MYO1E: variants seen among roughly 807,000 people sequenced by gnomAD.
The protein encoded by MYO1E is myosin IE.
Under a neutral mutation model 151.1 loss-of-function variants are expected in MYO1E, and 68 were observed. That is an observed-to-expected ratio of 0.45 (90% CI 0.37 to 0.55). MYO1E has a LOEUF of 0.55. Ranked by LOEUF, MYO1E falls within the 20% of genes least tolerant of loss-of-function variation. MYO1E has a pLI of 0.00. For synonymous variants in MYO1E, 601 were observed against 501.7 expected (o/e 1.20, Z -2.64); for missense variants, 1,363 against 1,389.3 (o/e 0.98, Z 0.30).
At chr15:59,182,926 T>C (rs1326873998) in intron 18 of MYO1E, among the ~76,000 whole-genome samples, 8 of 152,192 alleles carry the variant, frequency 5.3e-5, no homozygotes, top group Admixed American at 5.2e-4. Context: ...CCACCTCAGG[T>C]CATCAGGCAT....
chr15:59,231,884 C>T (rs2080030639), intron 5 of MYO1E, 93 bp from the exon 6 acceptor site: 1 of 1,387,426 alleles, frequency 7.2e-7, no homozygotes, highest in Admixed American at 1.8e-5. Flanking sequence ...TTTCTGAATG[C>T]ATTAAGGTGA....
At chr15:59,272,102 A>C (rs992867382) in intron 2 of MYO1E, 10 of 571,170 alleles carry the variant, frequency 1.8e-5, no homozygotes, top group Admixed American at 3.0e-5. Flanking sequence ...CCAGGAATAA[A>C]GCCACAAGTT....
intron 18 of MYO1E, among the ~76,000 whole-genome samples, chr15:59,179,482 C>T (rs1389623196): frequency 3.3e-5 from 5 of 152,146 alleles, no homozygotes; most frequent in Admixed American, 2.6e-4. Context: ...TCATAATGAA[C>T]ATTCCTGGCT....
chr15:59,154,076 G>A (rs149143143), intron 25 of MYO1E, among the ~76,000 whole-genome samples: 19 of 152,308 alleles, frequency 1.2e-4, no homozygotes, highest in East Asian at 7.7e-4. Context: ...GGATGTGCCC[G>A]GAACACAGCG....
Position 59,197,258 on chromosome 15 carries a change from G to A in MYO1E, c.1699-1691C>T, listed in dbSNP as rs184550633. Among the ~76,000 whole-genome samples, 31 of 152,286 alleles carry A rather than the reference G, an allele frequency of 2.0e-4. No individual in the cohort carries two copies. In the East Asian group the frequency reaches 5.8e-3, roughly 28 times the overall value. On this transcript the variant is annotated intron_variant, in intron 16 of 27. Coordinates refer to ENST00000288235, the MANE Select transcript of MYO1E (RefSeq NM_004998.4). Reference sequence around the variant, plus strand: ...TCCACCCGCCTCAGCCTCTCAAAGTGCTGGGATTACAGGCGTGAGCCACTG... The same window carrying A: ...TCCACCCGCCTCAGCCTCTCAAAGTACTGGGATTACAGGCGTGAGCCACTG...
chr15:59,370,667 G>T (rs982049166), intron 1 of MYO1E, among the ~76,000 whole-genome samples: 1 of 152,182 alleles, frequency 6.6e-6, no homozygotes, highest in Non-Finnish European at 1.5e-5. Flanking sequence ...TACTTCATCT[G>T]CAATGGGGCT....
At chr15:59,198,653 T>TA (rs566880929) in intron 16 of MYO1E, among the ~76,000 whole-genome samples, 71 of 151,476 alleles carry the variant, frequency 4.7e-4, no homozygotes, top group African/African-American at 1.5e-3. Flanking sequence ...TCGTCTCTAC[T>TA]AAAAAAAATA....
intron 23 of MYO1E, 121 bp from the exon 24 acceptor site, chr15:59,161,351 T>C (rs1053011654): frequency 1.1e-5 from 13 of 1,133,516 alleles, no homozygotes; most frequent in African/African-American, 1.6e-5. Flanking sequence ...ACGGACAATC[T>C]ACACCAGGAG....
chr15:59,339,475 G>C (rs996206092), intron 1 of MYO1E, among the ~76,000 whole-genome samples: 1 of 152,146 alleles, frequency 6.6e-6, no homozygotes, highest in Non-Finnish European at 1.5e-5. Context: ...TCACTACCCC[G>C]ATATTCACAG....
chr15:59,153,901 G>A lies in MYO1E; in HGVS notation c.2879-110C>T, dbSNP rs1398709438. 5 of 1,039,386 alleles carry A rather than the reference G, an allele frequency of 4.8e-6. No homozygotes were observed. In the East Asian group the frequency reaches 9.9e-5, roughly 21 times the overall value. The allele number at this position is 1,039,386 out of a possible 1,614,324, so 64.4% of individuals were successfully genotyped here. On this transcript the variant is annotated intron_variant, in intron 25 of 27. Coordinates refer to ENST00000288235, the MANE Select transcript of MYO1E (RefSeq NM_004998.4). ...CAAGGGCAGCTTACTTAACTTCTGA[G>A]TCTCAATTTCCGCATTTGAAAAAAA...
intron 26 of MYO1E, among the ~76,000 whole-genome samples, chr15:59,150,674 C>T (rs886705463): frequency 6.6e-6 from 1 of 152,152 alleles, no homozygotes; most frequent in East Asian, 1.9e-4. Flanking sequence ...ATAAACCTAA[C>T]AGCACCCTTG....
At chr15:59,280,960 T>G (rs79094418) in intron 1 of MYO1E, among the ~76,000 whole-genome samples, 221 of 152,294 alleles carry the variant, frequency 1.5e-3, no homozygotes, top group African/African-American at 4.9e-3. Flanking sequence ...GCAGAAATTT[T>G]TGTAGCTGCC....
At chr15:59,364,706 AC>A (rs1422276792) in intron 1 of MYO1E, among the ~76,000 whole-genome samples, 1 of 152,208 alleles carries the variant, frequency 6.6e-6, no homozygotes, top group African/African-American at 2.4e-5. Context: ...GGAGTTCAAG[AC>A]CAGCCTGGCC....
intron 1 of MYO1E, among the ~76,000 whole-genome samples, chr15:59,298,584 G>A (rs553411907): frequency 2.6e-5 from 4 of 152,228 alleles, no homozygotes; most frequent in African/African-American, 9.6e-5. Context: ...TTCCTCCCTC[G>A]GGGTGCCTGT....
At chr15:59,222,840 A>G (rs2079964427) in intron 9 of MYO1E, among the ~76,000 whole-genome samples, 1 of 152,190 alleles carries the variant, frequency 6.6e-6, no homozygotes, top group Non-Finnish European at 1.5e-5. Context: ...TTAATAATCG[A>G]TGGTGTGGGA....
intron 4 of MYO1E, among the ~76,000 whole-genome samples, 155 bp from the exon 5 acceptor site, chr15:59,236,827 A>G (rs919954628): frequency 1.3e-5 from 2 of 152,240 alleles, no homozygotes; most frequent in Non-Finnish European, 2.9e-5. Context: ...CCAGTAGAGA[A>G]AGGCAAGTTA....
rs1206325915 is a variant in MYO1E at position 59,372,601 on chromosome 15, G to A, written c.-101C>T. On this transcript the variant is annotated 5_prime_UTR_variant, in exon 1 of 28. Coordinates refer to ENST00000288235, the MANE Select transcript of MYO1E (RefSeq NM_004998.4). ...CGAACTTCAAAAGTTGGTTCCCCTC[G>A]CCAAAAACAGGCTCCCGACACCCAA... 6 of 1,433,372 alleles carry A rather than the reference G, an allele frequency of 4.2e-6. No individual in the cohort carries two copies. The African/African-American group carries it at 5.7e-5, about 14-fold the overall frequency. The allele number at this position is 1,433,372 out of a possible 1,614,324, so 88.8% of individuals were successfully genotyped here. A position where few individuals can be genotyped will look rare whatever the true frequency, so the allele number is the denominator to read the frequency against.
At chr15:59,333,440 G>C (rs2080709983) in intron 1 of MYO1E, among the ~76,000 whole-genome samples, 1 of 151,992 alleles carries the variant, frequency 6.6e-6, no homozygotes, top group Non-Finnish European at 1.5e-5. Flanking sequence ...ATGGAGTTTT[G>C]CCATGTTGGC....
chr15:59,315,408 G>C (rs1398000912), intron 1 of MYO1E, among the ~76,000 whole-genome samples: 1 of 152,110 alleles, frequency 6.6e-6, no homozygotes, highest in Non-Finnish European at 1.5e-5. Context: ...GTGGGCGGGG[G>C]AGAGTATTAG....
Sources: gnomAD v4.1 joint callset for allele counts (sites outside exome capture counted in the v4.1 genomes callset) on GRCh38, gnomAD v4.1.1 for gene constraint, MANE v1.5 for transcripts, NCBI Gene and HGNC (gene_info 2026-07-23, HGNC 2026-07-21) for gene names.